Variants in ZDHHC3 observed in about 807,000 individuals in gnomAD.
ZDHHC3 encodes the protein zDHHC palmitoyltransferase 3.
A neutral mutation model predicts 30.6 loss-of-function variants in ZDHHC3; 9 were observed. The ratio of observed to expected loss-of-function variants is 0.29; its 90% CI spans 0.18 to 0.51. The LOEUF is 0.51. Among genes scored for constraint, ZDHHC3 ranks in the 20% least tolerant of loss-of-function variants. The pLI is 0.97. For synonymous variants in ZDHHC3, 136 were observed against 140.2 expected (o/e 0.97, Z 0.21); for missense variants, 246 against 384.2 (o/e 0.64, Z 3.01).
At position 44,918,020 on chromosome 3, in the gene ZDHHC3, G is replaced by A. The variant is rs1452580856; in HGVS notation, c.*8669C>T. ...TCTTTGTCACTGGGGATCTCTGGCT[G>A]ACACGGTCTGGAGAAGGGGTTGAAC... On this transcript the variant is annotated 3_prime_UTR_variant, in exon 7 of 7. Transcript: ENST00000424952. 7.7e-7 allele frequency: 1 copy of A among 1,305,438 alleles called. No individual in the cohort carries two copies. The highest frequency in any genetic ancestry group is 1.2e-5 in the South Asian group (1 of 81,034). The allele number at this position is 1,305,438 out of a possible 1,614,324, so 80.9% of individuals were successfully genotyped here.
intron 2 of ZDHHC3, among the ~76,000 whole-genome samples, chr3:44,945,591 C>T (rs751446573): frequency 3.3e-5 from 5 of 151,844 alleles, no homozygotes; most frequent in South Asian, 2.1e-4. Context: ...CTTGCTCTGT[C>T]GCCCAGGCTG....
chr3:44,958,552 G>A, intron 2 of ZDHHC3: 1 of 1,517,230 alleles, frequency 6.6e-7, no homozygotes, highest in Non-Finnish European at 8.9e-7. Context: ...CTAAGTCATT[G>A]AGCAGAACAC....
chr3:44,936,781 T>C lies in ZDHHC3; in HGVS notation c.432-2797A>G, dbSNP rs148521167. 2.0e-5 allele frequency among the ~76,000 whole-genome samples: 3 copies of C among 152,120 alleles called. No homozygotes were observed. The East Asian group carries it at 5.8e-4, about 29-fold the overall frequency. Reference sequence around the variant, plus strand: ...TTGGGTACTGGGCTTAATACCTGGGTGATGAAATAATATGTACAACAAACC... The same window carrying C: ...TTGGGTACTGGGCTTAATACCTGGGCGATGAAATAATATGTACAACAAACC... On this transcript the variant is annotated intron_variant, in intron 3 of 6. Transcript: ENST00000424952.
rs1445698008 is a variant in ZDHHC3, at chr3:44,929,515, C to T, written c.611-79G>A. ...CAGGCTCACTGCCCCACTAGGCGCC[C>T]ACTCTGCCTCCTGCTTGCAGGCCTT... On this transcript the variant is annotated intron_variant, in intron 5 of 6. Coordinates refer to ENST00000424952, the MANE Select transcript of ZDHHC3 (RefSeq NM_001135179.2). 3.8e-6 allele frequency: 6 copies of T among 1,565,446 alleles called. No individual in the cohort carries two copies. In the Admixed American group the frequency reaches 1.1e-4, roughly 29 times the overall value.
At chr3:44,972,694 A>T (rs1031788381) in intron 1 of ZDHHC3, among the ~76,000 whole-genome samples, 4 of 152,176 alleles carry the variant, frequency 2.6e-5, no homozygotes, top group African/African-American at 2.4e-5. Context: ...TCTAATTGCC[A>T]CGTCTCAATT....
Position 44,934,061 on chromosome 3 carries a change from GGCTCCT to G in ZDHHC3, c.432-83_432-78del, listed in dbSNP as rs1701730724. 3 of 1,380,890 alleles carry G rather than the reference GGCTCCT, an allele frequency of 2.2e-6. No individual in the cohort carries two copies. The African/African-American group carries it at 4.3e-5, about 20-fold the overall frequency. 85.5% of individuals were successfully genotyped at this position (1,380,890 alleles called of 1,614,324 possible). ...GGCCCCGGGGGAACGCAGAACCCAT[GGCTCCT>G]GCTCCACTCCTCTGAAATGGCTTCC... On this transcript the variant is annotated intron_variant, in intron 3 of 6. Coordinates refer to ENST00000424952, the MANE Select transcript of ZDHHC3 (RefSeq NM_001135179.2).
chr3:44,926,807 T>C lies in ZDHHC3; in HGVS notation c.782A>G (p.Lys261Arg), dbSNP rs1195986477. 1 of 1,612,992 alleles carries C rather than the reference T, an allele frequency of 6.2e-7. No individual in the cohort carries two copies. Among genetic ancestry groups the C allele is most frequent in the East Asian group, 2.2e-5 (1 of 44,868 alleles). ...TTTCATGTTCATCCATTTTGTTTTT[T>C]TAGCCCATCTTCTCTCTTCCTTTTT... Reference protein sequence around the residue: ...QLKKEERRWAKKTKWMNMKAV... With the variant: ...QLKKEERRWARKTKWMNMKAV... Residue 261 changes from lysine (K) to arginine (R), a missense_variant, in exon 7 of 7, where the codon AAA becomes AGA. By Grantham distance (26) the Lys-to-Arg change is conservative. Transcript: ENST00000424952.
intron 3 of ZDHHC3, among the ~76,000 whole-genome samples, chr3:44,939,006 A>C (rs1340600904): frequency 1.3e-5 from 2 of 152,194 alleles, no homozygotes; most frequent in Admixed American, 1.3e-4. Flanking sequence ...AGAATACATG[A>C]GACAGATATT....
In ZDHHC3 at chr3:44,976,172, G is replaced by A; in HGVS notation, c.-264C>T. 1.9e-6 allele frequency: 2 copies of A among 1,041,274 alleles called. No individual in the cohort carries two copies. The highest frequency in any genetic ancestry group is 2.5e-6 in the Non-Finnish European group (2 of 792,314). 64.5% of individuals were successfully genotyped at this position (1,041,274 alleles called of 1,614,324 possible). The stretch of plus-strand genomic sequence containing the variant: ...GGCTGCAGGAGCGGCCGCCGCGCAG[G>A]TTGATGACGCGCTGACGCGGGGCGG... On this transcript the variant is annotated 5_prime_UTR_variant, in exon 1 of 7. Transcript: ENST00000424952.
intron 1 of ZDHHC3, among the ~76,000 whole-genome samples, chr3:44,974,314 T>C (rs1705688218): frequency 6.6e-6 from 1 of 152,224 alleles, no homozygotes; most frequent in Non-Finnish European, 1.5e-5. Context: ...GGAAAATCTT[T>C]ATATAAAGAT....
rs1249483952 is a variant in ZDHHC3, at chr3:44,917,236, T to C, written c.*9453A>G. On this transcript the variant is annotated 3_prime_UTR_variant, in exon 7 of 7. Coordinates refer to ENST00000424952, the MANE Select transcript of ZDHHC3 (RefSeq NM_001135179.2). ...GGCTCTGTCCATGCTGGACATGTCC[T>C]GCACATGTGTGTGTAGAGCTTAATG... 1 of 155,560 alleles carries C rather than the reference T, an allele frequency of 6.4e-6. No homozygotes were observed. Among genetic ancestry groups the C allele is most frequent in the African/African-American group, 2.4e-5 (1 of 41,468 alleles). 9.6% of individuals were successfully genotyped at this position (155,560 alleles called of 1,614,324 possible).
At chr3:44,955,270 G>A (rs1234046067) in intron 2 of ZDHHC3, among the ~76,000 whole-genome samples, 1 of 152,048 alleles carries the variant, frequency 6.6e-6, no homozygotes, top group Non-Finnish European at 1.5e-5. Context: ...ACAAATCTGT[G>A]AGTCATTTCC....
At position 44,918,291 on chromosome 3, in the gene ZDHHC3, G is replaced by C; in HGVS notation, c.*8398C>G. 2.5e-6 allele frequency: 3 copies of C among 1,194,644 alleles called. No individual in the cohort carries two copies. In the South Asian group the frequency reaches 4.6e-5, roughly 18 times the overall value. 74.0% of individuals were successfully genotyped at this position (1,194,644 alleles called of 1,614,324 possible). On this transcript the variant is annotated 3_prime_UTR_variant, in exon 7 of 7. Coordinates refer to ENST00000424952, the MANE Select transcript of ZDHHC3 (RefSeq NM_001135179.2). ...AAGATGGGGTCTGAGTGGGCAGTCT[G>C]TTGTGGCCCAGGTCACCCCCGGGAG... is the stretch of plus-strand genomic sequence containing the variant.
At chr3:44,950,842 A>G (rs1291618628) in intron 2 of ZDHHC3, among the ~76,000 whole-genome samples, 1 of 152,206 alleles carries the variant, frequency 6.6e-6, no homozygotes, top group Non-Finnish European at 1.5e-5. Context: ...TGAAGGCCTG[A>G]GACATTTTTG....
chr3:44,924,011 A>C lies in ZDHHC3; in HGVS notation c.*2678T>G. 1.0e-6 allele frequency: 1 copy of C among 985,460 alleles called. No homozygotes were observed. Among genetic ancestry groups the C allele is most frequent in the Non-Finnish European group, 1.2e-6 (1 of 829,944 alleles). The allele number at this position is 985,460 out of a possible 1,614,324, so 61.0% of individuals were successfully genotyped here. On this transcript the variant is annotated 3_prime_UTR_variant, in exon 7 of 7. Coordinates refer to ENST00000424952, the MANE Select transcript of ZDHHC3 (RefSeq NM_001135179.2). Reference sequence around the variant, plus strand: ...ACACAAACCTGACAGAGTTGACAGAAGGAAAGCAAGCTGGGGATCACAATC... The same window carrying C: ...ACACAAACCTGACAGAGTTGACAGACGGAAAGCAAGCTGGGGATCACAATC...
chr3:44,941,537 A>T (rs1447306698), intron 3 of ZDHHC3, among the ~76,000 whole-genome samples: 1 of 152,128 alleles, frequency 6.6e-6, no homozygotes, highest in African/African-American at 2.4e-5. Flanking sequence ...ACAAAACAAG[A>T]ATCTCTCAGG....
At chr3:44,958,555 C>G in intron 2 of ZDHHC3, 1 of 1,527,544 alleles carries the variant, frequency 6.5e-7, no homozygotes, top group Non-Finnish European at 8.8e-7. Flanking sequence ...AGTCATTGAG[C>G]AGAACACTAC....
intron 6 of ZDHHC3, among the ~76,000 whole-genome samples, 189 bp downstream of exon 6, chr3:44,929,117 C>A (rs1044060524): frequency 6.6e-6 from 1 of 152,170 alleles, no homozygotes; most frequent in African/African-American, 2.4e-5. Context: ...TATGGCTGCC[C>A]CAAGGCTGGA....
chr3:44,917,043 G>A lies in ZDHHC3; in HGVS notation c.*9646C>T, dbSNP rs956254918. The A allele has an allele frequency of 3.3e-5, 5 of 152,100 alleles. No individual in the cohort carries two copies. Among genetic ancestry groups the A allele is most frequent in the African/African-American group, 9.7e-5 (4 of 41,408 alleles). 9.4% of individuals were successfully genotyped at this position (152,100 alleles called of 1,614,324 possible). A position where few individuals can be genotyped will look rare whatever the true frequency, so the allele number is the denominator to read the frequency against. On this transcript the variant is annotated 3_prime_UTR_variant, in exon 7 of 7. Coordinates refer to ENST00000424952, the MANE Select transcript of ZDHHC3 (RefSeq NM_001135179.2). ...GTAACATTCAATTAAGTTCTCATGC[G>A]AGTGGTTAGGGAGTCCCCAGTAGCT... is the stretch of plus-strand genomic sequence containing the variant.
Sources: gnomAD v4.1 joint callset for allele counts (sites outside exome capture counted in the v4.1 genomes callset) on GRCh38, gnomAD v4.1.1 for gene constraint, MANE v1.5 for transcripts, NCBI Gene and HGNC (gene_info 2026-07-23, HGNC 2026-07-21) for gene names.